The following FLVCR1 variants were observed in gnomAD, a reference collection of about 807,000 sequenced individuals.
FLVCR1 encodes the protein FLVCR choline and heme transporter 1, also known as choline/ethanolamine transporter FLVCR1.
Under a neutral mutation model 53.6 loss-of-function variants are expected in FLVCR1, and 34 were observed. The ratio of observed to expected loss-of-function variants is 0.63; its 90% CI spans 0.48 to 0.84. FLVCR1 has a LOEUF of 0.84. FLVCR1 is among the 40% of genes least tolerant of loss of function. The pLI is 0.00. For missense variants in FLVCR1, 677 were observed against 696.7 expected (o/e 0.97, Z 0.32); for synonymous variants, 300 against 286.3 (o/e 1.05, Z -0.48).
At chr1:212,868,964 C>G (rs1401846027) in intron 2 of FLVCR1, among the ~76,000 whole-genome samples, 1 of 152,310 alleles carries the variant, frequency 6.6e-6, no homozygotes, top group African/African-American at 2.4e-5. Flanking sequence ...CAAAGTCATA[C>G]AGTGAGCTGA....
chr1:212,886,217 C>T (rs912310855), intron 5 of FLVCR1, among the ~76,000 whole-genome samples: 4 of 151,232 alleles, frequency 2.6e-5, no homozygotes, highest in Non-Finnish European at 5.9e-5. Flanking sequence ...AATTTTTTGA[C>T]TTTTTGATAG....
chr1:212,878,656 A>T (rs12735221), intron 3 of FLVCR1, among the ~76,000 whole-genome samples: 70,452 of 152,018 alleles, frequency 0.46, 17,569 homozygotes, highest in East Asian at 0.56. Flanking sequence ...TCCTATGTAT[A>T]TATAGGTATT....
intron 3 of FLVCR1, among the ~76,000 whole-genome samples, chr1:212,879,791 A>G (rs891537280): frequency 1.3e-5 from 2 of 151,988 alleles, no homozygotes; most frequent in African/African-American, 4.8e-5. Context: ...TCCTGACCTC[A>G]TGTGATCCAT....
intron 2 of FLVCR1, among the ~76,000 whole-genome samples, chr1:212,868,063 A>T (rs1255330424): frequency 1.3e-5 from 2 of 152,080 alleles, no homozygotes; most frequent in Non-Finnish European, 2.9e-5. Flanking sequence ...TCAGCCTCTC[A>T]AAGTGCTGGG....
chr1:212,888,491 T>G lies in FLVCR1; in HGVS notation c.1310T>G (p.Phe437Cys). The G allele has an allele frequency of 6.2e-7, 1 of 1,608,988 alleles. No individual in the cohort carries two copies. The highest frequency in any genetic ancestry group is 8.5e-7 in the Non-Finnish European group (1 of 1,175,486). Residue 437 changes from phenylalanine (F) to cysteine (C), a missense_variant and splice_region_variant, in exon 7 of 10, where the codon TTC becomes TGC. Phe to Cys is a radical substitution (Grantham distance 205). Coordinates refer to ENST00000366971, the MANE Select transcript of FLVCR1 (RefSeq NM_014053.4). ...IVFVTGGVLG[F>C]FMTGYLPLGF... The stretch of plus-strand genomic sequence containing the variant: ...TAATTCTGGATTTATTTTCCTAGCT[T>G]CTTCATGACTGGTTACCTCCCTTTG...
Position 212,897,349 on chromosome 1 carries a change from T to TCACACACACACACACACAC in FLVCR1, c.*2059_*2060insCACACACACACACACACAC, listed in dbSNP as rs1665369472. ...AAACCCCATCTCTACTAAAAATACATACACACACACACACACACACAAATT... is the reference window on the plus strand; with the variant it reads ...AAACCCCATCTCTACTAAAAATACATCACACACACACACACACACACACACACACACACACACACAAATT... On this transcript the variant is annotated 3_prime_UTR_variant, in exon 10 of 10. Transcript: ENST00000366971. The TCACACACACACACACACAC allele has an allele frequency of 6.9e-6, 1 of 145,312 alleles. No homozygotes were observed. The highest frequency in any genetic ancestry group is 2.7e-5 in the African/African-American group (1 of 37,590). 9.0% of individuals were successfully genotyped at this position (145,312 alleles called of 1,614,324 possible).
chr1:212,880,618 TG>T (rs1341153093), intron 3 of FLVCR1, among the ~76,000 whole-genome samples: 7 of 152,012 alleles, frequency 4.6e-5, no homozygotes, highest in Non-Finnish European at 8.8e-5. Flanking sequence ...GCCAACATGG[TG>T]AAACCCGGTC....
chr1:212,895,883 C>T lies in FLVCR1; in HGVS notation c.*593C>T, dbSNP rs1665320730. ...TCTAAGATTTTTCCCATTTATTGTA[C>T]TCTTGTTACAAAGTACTTTTTAACA... On this transcript the variant is annotated 3_prime_UTR_variant, in exon 10 of 10. Coordinates refer to ENST00000366971, the MANE Select transcript of FLVCR1 (RefSeq NM_014053.4). 1.3e-5 allele frequency: 2 copies of T among 154,872 alleles called. No individual in the cohort carries two copies. The highest frequency in any genetic ancestry group is 1.3e-4 in the Admixed American group (2 of 15,786). 9.6% of individuals were successfully genotyped at this position (154,872 alleles called of 1,614,324 possible). A position where few individuals can be genotyped will look rare whatever the true frequency, so the allele number is the denominator to read the frequency against.
At chr1:212,866,281 G>A (rs894670636) in intron 2 of FLVCR1, among the ~76,000 whole-genome samples, 1 of 151,382 alleles carries the variant, frequency 6.6e-6, no homozygotes, top group Non-Finnish European at 1.5e-5. Context: ...CACCGAGCCC[G>A]GCCTTTTTTG....
At position 212,895,434 on chromosome 1, in the gene FLVCR1, A is replaced by G. The variant is rs1003334796; in HGVS notation, c.*144A>G. On this transcript the variant is annotated 3_prime_UTR_variant, in exon 10 of 10. Coordinates refer to ENST00000366971, the MANE Select transcript of FLVCR1 (RefSeq NM_014053.4). ...AAATTACCATATGAACTCTAAATGC[A>G]TAATTATTATTTTGCTTAATTGTTA... 8 of 682,630 alleles carry G rather than the reference A, an allele frequency of 1.2e-5. No homozygotes were observed. The highest frequency in any genetic ancestry group is 1.9e-5 in the Non-Finnish European group (7 of 373,734). 42.3% of individuals were successfully genotyped at this position (682,630 alleles called of 1,614,324 possible).
intron 3 of FLVCR1, among the ~76,000 whole-genome samples, chr1:212,875,251 G>A (rs1664721883): frequency 6.6e-6 from 1 of 152,198 alleles, no homozygotes; most frequent in Non-Finnish European, 1.5e-5. Context: ...CATCTGAAAA[G>A]TAACAATATA....
At chr1:212,875,756 G>T (rs1398186902) in intron 3 of FLVCR1, among the ~76,000 whole-genome samples, 1 of 151,354 alleles carries the variant, frequency 6.6e-6, no homozygotes, top group Non-Finnish European at 1.5e-5. Flanking sequence ...CAGGAGAATC[G>T]CTTGAACCCA....
At chr1:212,871,737 T>A in intron 2 of FLVCR1, among the ~76,000 whole-genome samples, 1 of 152,220 alleles carries the variant, frequency 6.6e-6, no homozygotes, top group African/African-American at 2.4e-5. Context: ...CTCTCTCTAG[T>A]CATCTTTTAT....
Position 212,895,594 on chromosome 1 carries a change from T to A in FLVCR1, c.*304T>A, listed in dbSNP as rs1665313642. ...TTGACGTTTACTTTTTAAAAGTCGA[T>A]GTTTTTCTTTTTTGTAGAAAATGGA... On this transcript the variant is annotated 3_prime_UTR_variant, in exon 10 of 10. Transcript: ENST00000366971. The A allele has an allele frequency of 2.7e-6, 1 of 376,162 alleles. No homozygotes were observed. Among genetic ancestry groups the A allele is most frequent in the Admixed American group, 4.3e-5 (1 of 23,436 alleles). The allele number at this position is 376,162 out of a possible 1,614,324, so 23.3% of individuals were successfully genotyped here.
chr1:212,885,550 C>CTTTTTTTTTTT (rs539282150), intron 5 of FLVCR1, 154 bp downstream of exon 5: 12 of 297,978 alleles, frequency 4.0e-5, no homozygotes, highest in Admixed American at 5.5e-5. Context: ...ACAAGTGTTT[C>CTTTTTTTTTTT]TTTTTTTTTT....
chr1:212,886,313 G>T lies in FLVCR1; in HGVS notation c.1196+917G>T, dbSNP rs41300955. ...CCACCTCAGCCTCCCAAAGTGCTGG[G>T]ATTACAGGCATGAGCCACTGCACCT... On this transcript the variant is annotated intron_variant, in intron 5 of 9. Coordinates refer to ENST00000366971, the MANE Select transcript of FLVCR1 (RefSeq NM_014053.4). 4.7e-3 allele frequency among the ~76,000 whole-genome samples: 718 copies of T among 152,008 alleles called. 9 individuals carry two copies. Among genetic ancestry groups the T allele is most frequent in the African/African-American group, 0.015 (642 of 41,466 alleles).
rs767512883 is a variant in FLVCR1 at position 212,895,256 on chromosome 1, T to C, written c.1634T>C (p.Val545Ala). The C allele has an allele frequency of 1.2e-6, 2 of 1,613,376 alleles. No homozygotes were observed. The highest frequency in any genetic ancestry group is 1.7e-5 in the Admixed American group (1 of 59,990). Reference sequence around the variant, plus strand: ...CCCACAGACCAAGAACCAAAAACGGTTATGTTGTCCAAGCAGTCAGAATCA... The same window carrying C: ...CCCACAGACCAAGAACCAAAAACGGCTATGTTGTCCAAGCAGTCAGAATCA... Reference protein sequence around the residue: ...DSPTDQEPKTVMLSKQSESAI With the variant: ...DSPTDQEPKTAMLSKQSESAI Residue 545 changes from valine to alanine, a missense_variant, in exon 10 of 10, where the codon GTT (valine) becomes GCT (alanine). By Grantham distance (64) the Val-to-Ala change is moderately conservative. Transcript: ENST00000366971.
At chr1:212,884,346 C>T (rs1665003626) in intron 4 of FLVCR1, among the ~76,000 whole-genome samples, 1 of 151,760 alleles carries the variant, frequency 6.6e-6, no homozygotes, top group Non-Finnish European at 1.5e-5. Flanking sequence ...TAATCCCAGC[C>T]AAGATAGCGC....
intron 3 of FLVCR1, among the ~76,000 whole-genome samples, chr1:212,881,604 A>C (rs1205679874): frequency 6.6e-6 from 1 of 151,922 alleles, no homozygotes; most frequent in Non-Finnish European, 1.5e-5. Context: ...CTCGTGATCC[A>C]CCTGCCTCAG....
Sources: gnomAD v4.1 joint callset for allele counts (sites outside exome capture counted in the v4.1 genomes callset) on GRCh38, gnomAD v4.1.1 for gene constraint, MANE v1.5 for transcripts, NCBI Gene and HGNC (gene_info 2026-07-23, HGNC 2026-07-21) for gene names.